The following FUT8 variants were observed in gnomAD, a reference collection of about 807,000 sequenced individuals.
FUT8 encodes the protein alpha-(1,6)-fucosyltransferase.
In FUT8, 29 loss-of-function variants were observed where a neutral mutation model predicts 71.3. That is an observed-to-expected ratio of 0.41 (90% CI 0.30 to 0.55). The LOEUF is 0.55. FUT8 is among the 20% of genes least tolerant of loss of function. The pLI, the probability that FUT8 is intolerant of heterozygous loss-of-function variation, is 0.34. For synonymous variants in FUT8, 254 were observed against 239.3 expected, an observed-to-expected ratio of 1.06 and a Z score of -0.57; for missense variants, 544 against 702.1, an observed-to-expected ratio of 0.77 and a Z score of 2.55.
intron 3 of FUT8, among the ~76,000 whole-genome samples, chr14:65,602,866 A>G (rs928593456): frequency 6.6e-6 from 1 of 151,538 alleles, no homozygotes; most frequent in African/African-American, 2.4e-5. Context: ...TTTTGATGCG[A>G]TTGTTTTTTC....
At chr14:65,505,257 T>G (rs1281549011) in intron 2 of FUT8, among the ~76,000 whole-genome samples, 2 of 151,998 alleles carry the variant, frequency 1.3e-5, no homozygotes, top group Non-Finnish European at 2.9e-5. Flanking sequence ...TTGAATCAGT[T>G]TTGTTGGTTA....
intron 7 of FUT8, among the ~76,000 whole-genome samples, chr14:65,705,636 A>G (rs1442599638): frequency 6.6e-6 from 1 of 152,236 alleles, no homozygotes; most frequent in Non-Finnish European, 1.5e-5. Flanking sequence ...CTTTGTAGAT[A>G]TAAATTAAAC....
At chr14:65,392,679 T>C in the FUT8 span, among the ~76,000 whole-genome samples, 1 of 152,138 alleles carries the variant, frequency 6.6e-6, no homozygotes, top group Non-Finnish European at 1.5e-5. Context: ...ACATGAATAA[T>C]AGGAGCGAAA....
intron 2 of FUT8, among the ~76,000 whole-genome samples, chr14:65,491,527 A>G (rs1194027315): frequency 6.6e-6 from 1 of 152,204 alleles, no homozygotes; most frequent in African/African-American, 2.4e-5. Flanking sequence ...AAAATTGAAC[A>G]GAAGCCATTT....
intron 7 of FUT8, among the ~76,000 whole-genome samples, chr14:65,677,143 T>TGCGCGCGC (rs1892764500): frequency 9.0e-6 from 1 of 111,254 alleles, no homozygotes; most frequent in Non-Finnish European, 2.0e-5. Flanking sequence ...TGTGTGTGTG[T>TGCGCGCGC]GTGTGTGTGC....
intron 6 of FUT8, among the ~76,000 whole-genome samples, chr14:65,649,741 TATA>T (rs550585167): frequency 4.6e-5 from 7 of 152,238 alleles, no homozygotes; most frequent in South Asian, 2.1e-4. Context: ...AATAAAAAGA[TATA>T]ATGATATTGT....
intron 3 of FUT8, among the ~76,000 whole-genome samples, chr14:65,584,839 A>G (rs1004871547): frequency 4.6e-5 from 7 of 152,328 alleles, no homozygotes; most frequent in Middle Eastern, 3.4e-3. Context: ...TTTGGCATCC[A>G]GTTTGTAAGA....
the FUT8 span, among the ~76,000 whole-genome samples, chr14:65,397,608 G>A: frequency 1.7e-4 from 26 of 152,176 alleles, no homozygotes; most frequent in Admixed American, 1.1e-3. The surrounding 1 kb of genome is among the most constrained non-coding windows in gnomAD (Gnocchi z 4.2). Flanking sequence ...GTGTCTGTGC[G>A]TGTGTGTGTG....
At chr14:65,572,684 T>C (rs995453824) in intron 3 of FUT8, among the ~76,000 whole-genome samples, 23 of 152,116 alleles carry the variant, frequency 1.5e-4, no homozygotes, top group Non-Finnish European at 4.4e-5. Context: ...TTAAGCAGAC[T>C]TAGCAAGGAA....
chr14:65,524,860 A>G (rs1416128370), intron 2 of FUT8, among the ~76,000 whole-genome samples: 1 of 152,118 alleles, frequency 6.6e-6, no homozygotes, highest in Non-Finnish European at 1.5e-5. Flanking sequence ...GGTTCTGTTT[A>G]TATGCTGGAT....
chr14:65,629,475 GTTGT>G lies in FUT8; in HGVS notation c.483-10_483-7del. 6.5e-7 allele frequency: 1 copy of G among 1,542,898 alleles called. No individual in the cohort carries two copies. The highest frequency in any genetic ancestry group is 9.0e-7 in the Non-Finnish European group (1 of 1,115,850). ...AGTACAGACAAGTTCGATCTCCATTGTTGTTTGTTTTAACAGGTCTATAATGACG... is the reference window on the plus strand; with the variant it reads ...AGTACAGACAAGTTCGATCTCCATTGTTGTTTTAACAGGTCTATAATGACG... On this transcript the variant is annotated splice_polypyrimidine_tract_variant and intron_variant, in intron 5 of 10. Transcript: ENST00000673929.
the FUT8 span, among the ~76,000 whole-genome samples, chr14:65,366,261 G>A: frequency 6.6e-6 from 1 of 152,182 alleles, no homozygotes. Context: ...AAGAAAATGA[G>A]ACACTGTAAT....
At chr14:65,444,624 G>C (rs2065710864) in intron 1 of FUT8, among the ~76,000 whole-genome samples, 2 of 152,218 alleles carry the variant, frequency 1.3e-5, no homozygotes, top group African/African-American at 4.8e-5. Context: ...GGAATGAACT[G>C]TTGATACGTG....
chr14:65,706,735 C>T (rs1310743760), intron 7 of FUT8, among the ~76,000 whole-genome samples: 1 of 152,044 alleles, frequency 6.6e-6, no homozygotes, highest in African/African-American at 2.4e-5. Context: ...GTTTTGCCTG[C>T]TCTTATGACT....
intron 2 of FUT8, among the ~76,000 whole-genome samples, chr14:65,469,656 C>G (rs2066106024): frequency 6.6e-6 from 1 of 152,190 alleles, no homozygotes; most frequent in Non-Finnish European, 1.5e-5. Context: ...GGCAGGTTGT[C>G]TCATCCAGTG....
intron 5 of FUT8, among the ~76,000 whole-genome samples, chr14:65,629,191 C>T (rs1193514219): frequency 5.3e-5 from 8 of 152,292 alleles, no homozygotes; most frequent in African/African-American, 1.9e-4. Flanking sequence ...GTTTGCTTTG[C>T]GTATTCACTT....
chr14:65,627,652 G>C lies in FUT8; in HGVS notation c.483-1840G>C, dbSNP rs1442967025. ...TGAAGTTGTGCACATGCTCATTTGAGGCTTTTTTTCCTTACCAGTTGAGTG... is the reference window on the plus strand; with the variant it reads ...TGAAGTTGTGCACATGCTCATTTGACGCTTTTTTTCCTTACCAGTTGAGTG... On this transcript the variant is annotated intron_variant, in intron 5 of 10. Coordinates refer to ENST00000673929, the MANE Select transcript of FUT8 (RefSeq NM_001371533.1). The surrounding 1 kb of genome is among the most constrained non-coding windows in gnomAD (Gnocchi z 4.0). 1.3e-5 allele frequency among the ~76,000 whole-genome samples: 2 copies of C among 152,176 alleles called. No individual in the cohort carries two copies. Among genetic ancestry groups the C allele is most frequent in the African/African-American group, 4.8e-5 (2 of 41,436 alleles).
At chr14:65,520,857 T>C (rs1883032551) in intron 2 of FUT8, among the ~76,000 whole-genome samples, 1 of 152,138 alleles carries the variant, frequency 6.6e-6, no homozygotes, top group South Asian at 2.1e-4. Flanking sequence ...TTTTTTGTTT[T>C]TGGGGATACT....
intron 1 of FUT8, among the ~76,000 whole-genome samples, chr14:65,439,961 T>TATAC (rs1566748176): frequency 6.5e-5 from 7 of 107,574 alleles, no homozygotes; most frequent in African/African-American, 2.6e-4. Flanking sequence ...TGTGTATATA[T>TATAC]ATATATATAT....
Sources: allele counts gnomAD v4.1 joint callset (sites outside exome capture counted in the v4.1 genomes callset), GRCh38; gene constraint gnomAD v4.1.1; non-coding constraint Gnocchi (gnomAD v3.1); transcripts MANE v1.5; gene names NCBI Gene and HGNC (gene_info 2026-07-23, HGNC 2026-07-21).